ITPR2: variants seen among roughly 807,000 people sequenced by gnomAD.
ITPR2 encodes the protein inositol 1,4,5-trisphosphate-gated calcium channel ITPR2.
A neutral mutation model predicts 317.1 loss-of-function variants in ITPR2; 207 were observed. The ratio of observed to expected loss-of-function variants is 0.65; its 90% CI spans 0.58 to 0.73. The LOEUF is 0.73. Ranked by LOEUF, ITPR2 falls within the 30% of genes least tolerant of loss-of-function variation. The pLI is 0.00. For missense variants in ITPR2, 2,613 were observed against 3,284.0 expected, an observed-to-expected ratio of 0.80 and a Z score of 4.99; for synonymous variants, 1,156 against 1,149.1, an observed-to-expected ratio of 1.01 and a Z score of -0.12.
chr12:26,655,644 A>T, intron 20 of ITPR2, 64 bp downstream of exon 20: 2 of 1,359,950 alleles, frequency 1.5e-6, no homozygotes, highest in Non-Finnish European at 2.0e-6. Flanking sequence ...CAGAGAAAAT[A>T]ATACCTTCAT....
intron 9 of ITPR2, among the ~76,000 whole-genome samples, chr12:26,704,351 A>T (rs1315693120): frequency 6.6e-6 from 1 of 152,336 alleles, no homozygotes; most frequent in East Asian, 1.9e-4. Flanking sequence ...CAGTTGATTA[A>T]GAGTAATGTC....
intron 1 of ITPR2, among the ~76,000 whole-genome samples, chr12:26,810,426 A>C (rs1007382431): frequency 6.6e-6 from 1 of 152,210 alleles, no homozygotes; most frequent in Admixed American, 6.5e-5. Flanking sequence ...CCTGTGCCCA[A>C]CCTTTTTCCT....
intron 55 of ITPR2, among the ~76,000 whole-genome samples, chr12:26,340,549 G>A (rs539157861): frequency 3.0e-4 from 46 of 152,272 alleles, no homozygotes; most frequent in African/African-American, 1.1e-3. Context: ...GGGCTTCCAG[G>A]GAGGTTCCGG....
intron 14 of ITPR2, among the ~76,000 whole-genome samples, chr12:26,665,263 G>A (rs1025170753): frequency 3.3e-5 from 5 of 152,186 alleles, no homozygotes; most frequent in African/African-American, 4.8e-5. Context: ...AGCAGATGGA[G>A]ATGGCACTTT....
intron 55 of ITPR2, among the ~76,000 whole-genome samples, chr12:26,343,408 G>C (rs1420338323): frequency 6.6e-6 from 1 of 152,214 alleles, no homozygotes; most frequent in Non-Finnish European, 1.5e-5. Context: ...TGGGAAGTTA[G>C]TGTTTAATGG....
chr12:26,584,208 A>G (rs1437974994), intron 32 of ITPR2, among the ~76,000 whole-genome samples: 2 of 152,170 alleles, frequency 1.3e-5, no homozygotes, highest in African/African-American at 4.8e-5. Flanking sequence ...ATGGTCAAGG[A>G]TTCCTGTTTA....
At chr12:26,517,093 G>A (rs1943541958) in intron 37 of ITPR2, among the ~76,000 whole-genome samples, 1 of 152,082 alleles carries the variant, frequency 6.6e-6, no homozygotes, top group Non-Finnish European at 1.5e-5. Flanking sequence ...AAGATCCCTT[G>A]CATCTAGAAA....
intron 55 of ITPR2, among the ~76,000 whole-genome samples, chr12:26,342,036 A>G (rs556034222): frequency 1.1e-4 from 16 of 152,282 alleles, no homozygotes; most frequent in Admixed American, 2.6e-4. Flanking sequence ...AGCAGAGGAA[A>G]CCTAACAGGG....
chr12:26,467,918 C>G (rs1312718863), intron 45 of ITPR2, among the ~76,000 whole-genome samples: 1 of 152,024 alleles, frequency 6.6e-6, no homozygotes, highest in Non-Finnish European at 1.5e-5. Flanking sequence ...CATTTTTTTC[C>G]CATTATACTT....
intron 37 of ITPR2, among the ~76,000 whole-genome samples, chr12:26,528,508 C>G (rs777001461): frequency 2.0e-5 from 3 of 152,186 alleles, no homozygotes; most frequent in Non-Finnish European, 4.4e-5. Flanking sequence ...TACTGAAATG[C>G]CATTTCTTCA....
intron 27 of ITPR2, 58 bp downstream of exon 27, chr12:26,602,559 C>T: frequency 6.4e-7 from 1 of 1,567,596 alleles, no homozygotes; most frequent in South Asian, 1.1e-5. Flanking sequence ...AATATATAAG[C>T]AAAACTTATT....
intron 28 of ITPR2, among the ~76,000 whole-genome samples, chr12:26,601,846 C>T (rs923679364): frequency 2.0e-5 from 3 of 152,126 alleles, no homozygotes; most frequent in Admixed American, 1.3e-4. Flanking sequence ...AAATCAAAAT[C>T]GTGCACCAAC....
chr12:26,400,347 A>G, intron 52 of ITPR2, 89 bp from the exon 53 acceptor site: 1 of 545,990 alleles, frequency 1.8e-6, no homozygotes, highest in Non-Finnish European at 2.8e-6. Flanking sequence ...CATACAATAA[A>G]TATACATACA....
intron 55 of ITPR2, among the ~76,000 whole-genome samples, chr12:26,350,419 T>C (rs1265488487): frequency 1.3e-5 from 2 of 152,116 alleles, no homozygotes; most frequent in Non-Finnish European, 2.9e-5. Flanking sequence ...CTGTATGTAC[T>C]AGCCCTCATC....
At chr12:26,777,222 A>G (rs1215017766) in intron 2 of ITPR2, among the ~76,000 whole-genome samples, 1 of 152,196 alleles carries the variant, frequency 6.6e-6, no homozygotes, top group Non-Finnish European at 1.5e-5. Context: ...AATGTGGAGG[A>G]AGGAATTCAA....
intron 45 of ITPR2, among the ~76,000 whole-genome samples, chr12:26,443,931 T>C (rs1027388629): frequency 6.6e-6 from 1 of 152,180 alleles, no homozygotes; most frequent in Admixed American, 6.6e-5. Flanking sequence ...ACACTGTCTA[T>C]AGTAAATTTA....
At chr12:26,590,978 G>A (rs1945685416) in intron 32 of ITPR2, among the ~76,000 whole-genome samples, 2 of 150,520 alleles carry the variant, frequency 1.3e-5, no homozygotes, top group Non-Finnish European at 2.9e-5. Flanking sequence ...TACTCGGGAG[G>A]CTGAAGCAAG....
At chr12:26,672,946 C>A (rs1405073835) in intron 13 of ITPR2, among the ~76,000 whole-genome samples, 1 of 152,150 alleles carries the variant, frequency 6.6e-6, no homozygotes, top group Non-Finnish European at 1.5e-5. Flanking sequence ...ACTAGAAAAT[C>A]TAGAAGAAAT....
At chr12:26,537,095 G>A (rs1944116685) in intron 37 of ITPR2, among the ~76,000 whole-genome samples, 1 of 152,204 alleles carries the variant, frequency 6.6e-6, no homozygotes, top group Non-Finnish European at 1.5e-5. Context: ...GACAAGGATA[G>A]AGGAGAGCTT....
Sources: allele counts gnomAD v4.1 joint callset (sites outside exome capture counted in the v4.1 genomes callset), GRCh38; gene constraint gnomAD v4.1.1; transcripts MANE v1.5; gene names NCBI Gene and HGNC (gene_info 2026-07-23, HGNC 2026-07-21).